Variants in CTNNA3 observed in about 807,000 individuals in gnomAD.
CTNNA3 encodes catenin alpha-3.
A neutral mutation model predicts 95.7 loss-of-function variants in CTNNA3; 76 were observed. That is an observed-to-expected ratio of 0.79 (90% CI 0.66 to 0.96). The LOEUF (loss-of-function observed/expected upper bound fraction) is 0.96, where lower values mean the gene tolerates loss of function less well. Among genes scored for constraint, CTNNA3 ranks in the 40% least tolerant of loss-of-function variants. The pLI is 0.00. For synonymous variants in CTNNA3, 431 were observed against 374.4 expected, an observed-to-expected ratio of 1.15 and a Z score of -1.74; for missense variants, 1,191 against 1,089.8, an observed-to-expected ratio of 1.09 and a Z score of -1.31.
intron 6 of CTNNA3, among the ~76,000 whole-genome samples, chr10:67,189,103 C>T (rs916941531): frequency 5.3e-5 from 8 of 150,304 alleles, no homozygotes; most frequent in South Asian, 4.2e-4. Flanking sequence ...GGTGACAGAG[C>T]GAGACCCTGT....
At chr10:65,958,554 C>T (rs1202961197) in intron 17 of CTNNA3, among the ~76,000 whole-genome samples, 5 of 152,062 alleles carry the variant, frequency 3.3e-5, no homozygotes, top group South Asian at 2.1e-4. Context: ...ATGATGGTGA[C>T]GTACAGATGG....
intron 3 of CTNNA3, among the ~76,000 whole-genome samples, chr10:67,584,132 A>G (rs1328921038): frequency 6.6e-6 from 1 of 152,178 alleles, no homozygotes; most frequent in Non-Finnish European, 1.5e-5. Flanking sequence ...CCTTTGGAGG[A>G]AAAGAGGTGC....
chr10:65,996,479 A>G (rs2078662825), intron 15 of CTNNA3, among the ~76,000 whole-genome samples: 1 of 152,106 alleles, frequency 6.6e-6, no homozygotes, highest in Non-Finnish European at 1.5e-5. Context: ...CTAGGGATGT[A>G]GGAATGCAGG....
At chr10:67,562,442 T>C (rs1841552494) in intron 3 of CTNNA3, among the ~76,000 whole-genome samples, 1 of 152,156 alleles carries the variant, frequency 6.6e-6, no homozygotes, top group South Asian at 2.1e-4. Context: ...TCAACAACCC[T>C]TCATGCTAAA....
At chr10:67,371,882 C>T (rs1053948155) in intron 5 of CTNNA3, among the ~76,000 whole-genome samples, 12 of 152,230 alleles carry the variant, frequency 7.9e-5, no homozygotes, top group African/African-American at 2.9e-4. Flanking sequence ...ACATCCTCTC[C>T]AGCACCTGCT....
intron 3 of CTNNA3, among the ~76,000 whole-genome samples, chr10:67,552,430 C>T (rs932198174): frequency 4.0e-5 from 6 of 151,582 alleles, no homozygotes; most frequent in Non-Finnish European, 5.9e-5. Context: ...TACATCGACG[C>T]CCTCTCAATG....
At chr10:67,581,925 T>C (rs1349157514) in intron 3 of CTNNA3, among the ~76,000 whole-genome samples, 1 of 152,138 alleles carries the variant, frequency 6.6e-6, no homozygotes, top group Non-Finnish European at 1.5e-5. Context: ...TCATTTTTTA[T>C]GCATCTATTT....
At chr10:67,748,118 C>T (rs1262895071) in intron 1 of CTNNA3, among the ~76,000 whole-genome samples, 1 of 152,090 alleles carries the variant, frequency 6.6e-6, no homozygotes, top group Non-Finnish European at 1.5e-5. Context: ...AAAGATCGAA[C>T]CTATGATTTA....
intron 7 of CTNNA3, among the ~76,000 whole-genome samples, chr10:67,172,400 A>C (rs1435320427): frequency 6.6e-6 from 1 of 152,192 alleles, no homozygotes; most frequent in Non-Finnish European, 1.5e-5. Context: ...CAGTAACACC[A>C]ATAGCATTTT....
At chr10:66,637,243 T>C (rs1447460490) in intron 9 of CTNNA3, among the ~76,000 whole-genome samples, 1 of 152,242 alleles carries the variant, frequency 6.6e-6, no homozygotes, top group Non-Finnish European at 1.5e-5. Flanking sequence ...CATTGCATGT[T>C]ATTTTATTTC....
intron 1 of CTNNA3, among the ~76,000 whole-genome samples, chr10:67,754,712 T>C (rs1238691453): frequency 5.9e-5 from 9 of 152,194 alleles, no homozygotes; most frequent in Admixed American, 5.9e-4. Context: ...AAAAGTCTTC[T>C]GTACAGCAGA....
intron 12 of CTNNA3, among the ~76,000 whole-genome samples, chr10:66,297,482 A>G (rs1348738380): frequency 6.6e-6 from 1 of 152,190 alleles, no homozygotes. Context: ...TAAATTTTAC[A>G]TCTGTACCAA....
In CTNNA3 at chr10:66,811,039, GA is replaced by G. The variant is rs575221582; in HGVS notation, c.1048-35516del. Among the ~76,000 whole-genome samples, 6 of 152,292 alleles carry G rather than the reference GA, an allele frequency of 3.9e-5. No individual in the cohort carries two copies. In the South Asian group the frequency reaches 1.0e-3, roughly 26 times the overall value. On this transcript the variant is annotated intron_variant, in intron 7 of 17. Coordinates refer to ENST00000433211, the MANE Select transcript of CTNNA3 (RefSeq NM_013266.4). ...GTGGAACTTTAGATAAACGCAAATT[GA>G]AATTATCAATGTAGGTGCTGATTTG...
intron 11 of CTNNA3, among the ~76,000 whole-genome samples, chr10:66,425,111 T>A (rs2093228124): frequency 6.7e-6 from 1 of 149,872 alleles, no homozygotes; most frequent in Non-Finnish European, 1.5e-5. Context: ...TATTGTTATT[T>A]AAAAAAATCC....
At chr10:66,775,844 G>T (rs1178045105) in intron 7 of CTNNA3, among the ~76,000 whole-genome samples, 1 of 152,112 alleles carries the variant, frequency 6.6e-6, no homozygotes, top group Admixed American at 6.6e-5. Context: ...TCACTAAGCA[G>T]GCAATTAGCT....
At chr10:67,481,443 A>C (rs1042339487) in intron 5 of CTNNA3, among the ~76,000 whole-genome samples, 3 of 152,214 alleles carry the variant, frequency 2.0e-5, no homozygotes, top group African/African-American at 7.2e-5. Flanking sequence ...CAGGATACAA[A>C]ATCAAAGTAC....
chr10:67,097,708 C>A (rs761729350), intron 7 of CTNNA3: 2 of 1,612,514 alleles, frequency 1.2e-6, no homozygotes, highest in Non-Finnish European at 1.7e-6. Context: ...CAGGAAGATA[C>A]GATGGAAACA....
intron 13 of CTNNA3, among the ~76,000 whole-genome samples, chr10:66,244,834 G>A: frequency 6.6e-6 from 1 of 152,212 alleles, no homozygotes; most frequent in Non-Finnish European, 1.5e-5. Flanking sequence ...CCCAGCTACA[G>A]ATGAACATTT....
chr10:66,647,262 A>C (rs1845738523), intron 9 of CTNNA3, among the ~76,000 whole-genome samples: 1 of 152,142 alleles, frequency 6.6e-6, no homozygotes, highest in Admixed American at 6.5e-5. Flanking sequence ...TTCCATCATT[A>C]ATTTATTATG....
Sources: allele counts gnomAD v4.1 joint callset (sites outside exome capture counted in the v4.1 genomes callset), GRCh38; gene constraint gnomAD v4.1.1; transcripts MANE v1.5; gene names NCBI Gene and HGNC (gene_info 2026-07-23, HGNC 2026-07-21).